The following DACH2 variants were observed in gnomAD, a reference collection of about 807,000 sequenced individuals.
The protein encoded by DACH2 is dachshund family transcription factor 2, also known as dachshund homolog 2.
DACH2 carries 17 observed loss-of-function variants against 35.8 expected under a neutral mutation model. The observed-to-expected ratio is 0.48, with a 90% CI of 0.33 to 0.71. The LOEUF (loss-of-function observed/expected upper bound fraction) is 0.71, where lower values mean the gene tolerates loss of function less well. Ranked by LOEUF, DACH2 falls within the 30% of genes least tolerant of loss-of-function variation. The pLI is 0.02. For missense variants in DACH2, 469 were observed against 472.7 expected (o/e 0.99, Z 0.07); for synonymous variants, 195 against 177.3 (o/e 1.10, Z -0.79).
At chrX:86,709,858 T>C (rs1216023853) in intron 5 of DACH2, among the ~76,000 whole-genome samples, 1 of 112,183 alleles carries the variant, frequency 8.9e-6, no homozygotes, top group East Asian at 2.8e-4. Context: ...TACACACCTG[T>C]TGAAATAACT....
chrX:86,241,303 G>A (rs2033161278), intron 1 of DACH2, among the ~76,000 whole-genome samples: 1 of 111,892 alleles, frequency 8.9e-6, no homozygotes, highest in Non-Finnish European at 1.9e-5. Flanking sequence ...CTGGAGTAAA[G>A]GTCATTCTTG....
chrX:86,669,297 T>G (rs1286303435), intron 4 of DACH2, among the ~76,000 whole-genome samples: 2 of 111,399 alleles, frequency 1.8e-5, no homozygotes, highest in Non-Finnish European at 3.8e-5. Flanking sequence ...TTGGTGGTGT[T>G]TCCGATTATA....
At chrX:86,330,390 T>C (rs1188907877) in intron 1 of DACH2, among the ~76,000 whole-genome samples, 1 of 111,617 alleles carries the variant, frequency 9.0e-6, no homozygotes, top group Non-Finnish European at 1.9e-5. Context: ...ATTATCCCAT[T>C]TTATTGCCTG....
intron 5 of DACH2, among the ~76,000 whole-genome samples, chrX:86,704,761 G>A (rs183267127): frequency 3.8e-4 from 42 of 110,548 alleles, no homozygotes; most frequent in Admixed American, 1.4e-3. Flanking sequence ...ATATTGGTGT[G>A]GATGCAGTGA....
intron 7 of DACH2, among the ~76,000 whole-genome samples, chrX:86,758,226 G>C (rs1220452853): frequency 2.7e-5 from 3 of 111,227 alleles, no homozygotes; most frequent in African/African-American, 9.8e-5. Context: ...TGTTGATTTG[G>C]TTTAGTTCTC....
intron 1 of DACH2, chrX:86,161,096 G>A: frequency 9.2e-7 from 1 of 1,090,772 alleles, no homozygotes; most frequent in Admixed American, 2.2e-5. Context: ...ATGCTACTGT[G>A]TTGGGGTTGT....
In DACH2 at chrX:86,520,580, G is replaced by A. The variant is rs148305464; in HGVS notation, c.640+6189G>A. 3.1e-3 allele frequency among the ~76,000 whole-genome samples: 342 copies of A among 111,612 alleles called. 1 individual carries two copies. The highest frequency in any genetic ancestry group is 0.011 in the African/African-American group (332 of 30,800). On this transcript the variant is annotated intron_variant, in intron 3 of 11. Coordinates refer to ENST00000373125, the MANE Select transcript of DACH2 (RefSeq NM_053281.3). The stretch of plus-strand genomic sequence containing the variant: ...CCAAGAACTTGTTTTATGAATCTGG[G>A]TGCTTCTGGGTTGAGTGCATATATA...
At chrX:86,431,835 C>T (rs1158446832) in intron 2 of DACH2, among the ~76,000 whole-genome samples, 1 of 111,403 alleles carries the variant, frequency 9.0e-6, no homozygotes, top group African/African-American at 3.3e-5. Context: ...ATGTTATATT[C>T]TTCTTTAAAC....
chrX:86,649,900 G>A (rs888856312), intron 3 of DACH2, among the ~76,000 whole-genome samples: 4 of 110,554 alleles, frequency 3.6e-5, no homozygotes, highest in African/African-American at 1.3e-4. Context: ...ACGTTTTTAT[G>A]GTAGGATGAA....
intron 1 of DACH2, among the ~76,000 whole-genome samples, chrX:86,372,935 C>T (rs1034991139): frequency 3.6e-5 from 4 of 111,405 alleles, no homozygotes; most frequent in Non-Finnish European, 7.6e-5. Flanking sequence ...ATATGGTTTT[C>T]CATCCCTGTG....
At chrX:86,610,389 C>T (rs1428687309) in intron 3 of DACH2, among the ~76,000 whole-genome samples, 1 of 84,216 alleles carries the variant, frequency 1.2e-5, no homozygotes, top group Non-Finnish European at 2.2e-5. Context: ...TTCTTTCTTT[C>T]TTTCTTTCTT....
At chrX:86,661,560 C>A (rs1324560981) in intron 4 of DACH2, among the ~76,000 whole-genome samples, 1 of 112,364 alleles carries the variant, frequency 8.9e-6, no homozygotes, top group Non-Finnish European at 1.9e-5. Flanking sequence ...TATGAAAATA[C>A]TACATTTTGT....
At chrX:86,222,108 CAT>C (rs1359702853) in intron 1 of DACH2, among the ~76,000 whole-genome samples, 3 of 112,375 alleles carry the variant, frequency 2.7e-5, no homozygotes, top group Admixed American at 1.9e-4. Context: ...AGGGTTTCAA[CAT>C]ATTAATTTTT....
At chrX:86,368,745 G>A (rs2035842547) in intron 1 of DACH2, among the ~76,000 whole-genome samples, 1 of 109,569 alleles carries the variant, frequency 9.1e-6, no homozygotes, top group Admixed American at 9.8e-5. Context: ...AAAAAATTCT[G>A]CAGAGAAGGG....
chrX:86,786,255 T>C (rs976302090), intron 7 of DACH2, among the ~76,000 whole-genome samples: 1 of 111,749 alleles, frequency 8.9e-6, no homozygotes, highest in African/African-American at 3.3e-5. Context: ...CCCTTCAAAC[T>C]GGAGCACTGA....
chrX:86,599,510 C>CTTTCTTTCTTTT, intron 3 of DACH2, among the ~76,000 whole-genome samples: 1 of 96,637 alleles, frequency 1.0e-5, no homozygotes, highest in Non-Finnish European at 2.1e-5. Flanking sequence ...TTCTTTCTTT[C>CTTTCTTTCTTTT]TTTCTTTCAA....
At chrX:86,586,550 TA>T (rs2039573499) in intron 3 of DACH2, among the ~76,000 whole-genome samples, 1 of 111,695 alleles carries the variant, frequency 9.0e-6, no homozygotes, top group Admixed American at 9.5e-5. Context: ...TTTAAGTTTT[TA>T]CATTTGGGTT....
chrX:86,714,478 T>G, intron 5 of DACH2, 70 bp from the exon 6 acceptor site: 1 of 940,252 alleles, frequency 1.1e-6, no homozygotes, highest in Admixed American at 3.0e-5. Flanking sequence ...AGAATGAATT[T>G]AGGTACTTTT....
At chrX:86,420,464 T>C (rs2036783202) in intron 2 of DACH2, among the ~76,000 whole-genome samples, 1 of 111,692 alleles carries the variant, frequency 9.0e-6, no homozygotes, top group African/African-American at 3.3e-5. Flanking sequence ...TGTTAAAATA[T>C]TCCATGGAGT....
Sources: allele counts gnomAD v4.1 joint callset (sites outside exome capture counted in the v4.1 genomes callset), GRCh38; gene constraint gnomAD v4.1.1; transcripts MANE v1.5; gene names NCBI Gene and HGNC (gene_info 2026-07-23, HGNC 2026-07-21).